Variants in CBFA2T3 observed in about 807,000 individuals in gnomAD.
CBFA2T3 encodes transcriptional corepressor CBFA2T3.
In CBFA2T3, 31 loss-of-function variants were observed where a neutral mutation model predicts 58.6. That is an observed-to-expected ratio of 0.53 (90% CI 0.40 to 0.71). The LOEUF (loss-of-function observed/expected upper bound fraction) is 0.71, where lower values mean the gene tolerates loss of function less well. Among genes scored for constraint, CBFA2T3 ranks in the 30% least tolerant of loss-of-function variants. The pLI, the probability that CBFA2T3 is intolerant of heterozygous loss-of-function variation, is 0.00. For missense variants in CBFA2T3, 1,076 were observed against 963.1 expected, an observed-to-expected ratio of 1.12 and a Z score of -1.55; for synonymous variants, 531 against 421.9, an observed-to-expected ratio of 1.26 and a Z score of -3.17.
At chr16:88,915,409 G>A (rs1458724428) in intron 1 of CBFA2T3, among the ~76,000 whole-genome samples, 10 of 48,880 alleles carry the variant, frequency 2.0e-4, no homozygotes, top group African/African-American at 3.8e-4. Context: ...GGAGCGTGGA[G>A]GGGGGAGCGT....
rs1968887510 is a variant in CBFA2T3, at chr16:88,877,591, G to C, written c.1663-316C>G. Among the ~76,000 whole-genome samples the C allele has an allele frequency of 2.0e-5, 3 of 152,158 alleles. No homozygotes were observed. In the South Asian group the frequency reaches 6.2e-4, roughly 32 times the overall value. ...CAGGCTCCAAAACCGCAAAACCAAA[G>C]GGCGTGGCCCCGGCAGGATTGAGGC... On this transcript the variant is annotated intron_variant, in intron 11 of 11. Transcript: ENST00000268679.
At chr16:88,930,214 T>C (rs1467618721) in intron 1 of CBFA2T3, among the ~76,000 whole-genome samples, 1,725 of 53,368 alleles carry the variant, frequency 0.032, no homozygotes, top group Middle Eastern at 0.081. Context: ...CACGCAAAAG[T>C]CACCAATACC....
rs577590519 is a variant in CBFA2T3, at chr16:88,953,875, C to T, written c.151+22782G>A. Among the ~76,000 whole-genome samples, 45 of 152,238 alleles carry T rather than the reference C, an allele frequency of 3.0e-4. No homozygotes were observed. Among genetic ancestry groups the T allele is most frequent in the African/African-American group, 1.0e-3 (43 of 41,532 alleles). ...TTTGGGGCTGCCATGGGCCTTGTCA[C>T]CTGCATTGGGCTGGTGAGGACAGGG... On this transcript the variant is annotated intron_variant, in intron 1 of 11. Transcript: ENST00000268679. The surrounding 1 kb of genome is among the most constrained non-coding windows in gnomAD (Gnocchi z 4.9).
At chr16:88,946,850 A>C (rs1971917152) in intron 1 of CBFA2T3, among the ~76,000 whole-genome samples, 1 of 152,168 alleles carries the variant, frequency 6.6e-6, no homozygotes, top group Non-Finnish European at 1.5e-5. Context: ...CAGTAGCGTG[A>C]TCACAGCTCA....
At chr16:88,969,841 G>A (rs1039750697) in intron 1 of CBFA2T3, among the ~76,000 whole-genome samples, 4 of 152,060 alleles carry the variant, frequency 2.6e-5, no homozygotes, top group African/African-American at 4.8e-5. Flanking sequence ...GGGGGGTTGC[G>A]ATTTGGCAGA....
intron 2 of CBFA2T3, among the ~76,000 whole-genome samples, chr16:88,900,770 T>C (rs958201981): frequency 4.6e-5 from 7 of 152,206 alleles, no homozygotes; most frequent in Non-Finnish European, 1.0e-4. Context: ...AGAGCACCAA[T>C]GTCTGTCCTC....
intron 5 of CBFA2T3, among the ~76,000 whole-genome samples, chr16:88,889,098 G>A (rs1235891579): frequency 1.3e-5 from 2 of 151,864 alleles, no homozygotes; most frequent in African/African-American, 4.8e-5. Flanking sequence ...GTAATAAGCA[G>A]GCGCACTGTG....
intron 9 of CBFA2T3, 144 bp from the exon 10 acceptor site, chr16:88,880,932 T>A (rs1969043815): frequency 3.8e-6 from 3 of 779,542 alleles, no homozygotes; most frequent in Admixed American, 2.1e-5. Context: ...TCGGACAAGG[T>A]CTGGCTCAGG....
At chr16:88,972,426 T>C (rs1972678515) in intron 1 of CBFA2T3, among the ~76,000 whole-genome samples, 1 of 152,150 alleles carries the variant, frequency 6.6e-6, no homozygotes, top group South Asian at 2.1e-4. Flanking sequence ...AGCTCATCCA[T>C]TCCTCTTCAC....
At chr16:88,914,295 T>G (rs919687707) in intron 1 of CBFA2T3, among the ~76,000 whole-genome samples, 5 of 152,154 alleles carry the variant, frequency 3.3e-5, no homozygotes, top group African/African-American at 1.2e-4. Context: ...CAGAGGGGGA[T>G]CGGAGGCCTT....
In CBFA2T3 at chr16:88,891,949, T is replaced by C; in HGVS notation, c.644A>G (p.Glu215Gly). The C allele has an allele frequency of 6.2e-7, 1 of 1,613,162 alleles. No homozygotes were observed. Among genetic ancestry groups the C allele is most frequent in the Non-Finnish European group, 8.5e-7 (1 of 1,179,750 alleles). The stretch of plus-strand genomic sequence containing the variant: ...GGCCTCCTGAAGCTTGGAATGAAAC[T>C]CCTCGATCGTCAATGTCGAGTTCTG... ...GLVNSTLTIE[E>G]FHSKLQEATN... is the part of the protein sequence containing the mutation. Residue 215 changes from glutamate to glycine, a missense_variant, in exon 5 of 12, where the codon GAG (glutamate) becomes GGG (glycine). Transcript: ENST00000268679.
At position 88,961,281 on chromosome 16, in the gene CBFA2T3, A is replaced by G. The variant is rs1170073755; in HGVS notation, c.151+15376T>C. Among the ~76,000 whole-genome samples, 3 of 152,182 alleles carry G rather than the reference A, an allele frequency of 2.0e-5. No homozygotes were observed. In the East Asian group the frequency reaches 5.8e-4, roughly 29 times the overall value. ...CGGAACCTTCTGTAGGAACTGACAC[A>G]CAGCACTGGAGATTTCCACTGCATA... On this transcript the variant is annotated intron_variant, in intron 1 of 11. Coordinates refer to ENST00000268679, the MANE Select transcript of CBFA2T3 (RefSeq NM_005187.6).
intron 1 of CBFA2T3, among the ~76,000 whole-genome samples, chr16:88,945,831 G>A (rs1177140169): frequency 1.3e-5 from 2 of 152,212 alleles, no homozygotes; most frequent in Non-Finnish European, 2.9e-5. Context: ...ACCCAAATGA[G>A]TTAAAAACTA....
chr16:88,957,505 C>G (rs1567634500), intron 1 of CBFA2T3: 3 of 152,314 alleles, frequency 2.0e-5, no homozygotes, highest in African/African-American at 7.2e-5. Flanking sequence ...TAGCTAGTCC[C>G]TCCACCCCCA....
intron 1 of CBFA2T3, chr16:88,939,257 G>A (rs1971621405): frequency 6.6e-6 from 1 of 152,192 alleles, no homozygotes; most frequent in South Asian, 2.1e-4. Flanking sequence ...GCGATGTCTG[G>A]GGAAAGCCCT....
chr16:88,973,573 A>G (rs544870992), intron 1 of CBFA2T3, among the ~76,000 whole-genome samples: 4 of 152,232 alleles, frequency 2.6e-5, no homozygotes, highest in Admixed American at 1.3e-4. Flanking sequence ...GAACCTTCCA[A>G]TGCAGAATAT....
intron 1 of CBFA2T3, among the ~76,000 whole-genome samples, chr16:88,963,253 A>ATCTTCGGCCAGGGGTGGGCGCTCG (rs1972413252): frequency 1.7e-5 from 2 of 114,838 alleles, no homozygotes; most frequent in Admixed American, 8.4e-5. Context: ...GTGGGCGCTC[A>ATCTTCGGCCAGGGGTGGGCGCTCG]TCTTCTGCCA....
chr16:88,948,013 A>G (rs1971949859), intron 1 of CBFA2T3, among the ~76,000 whole-genome samples: 1 of 152,216 alleles, frequency 6.6e-6, no homozygotes, highest in African/African-American at 2.4e-5. Context: ...TTCATGCATG[A>G]ATAATACTGC....
chr16:88,930,278 C>T (rs1018041443), intron 1 of CBFA2T3, among the ~76,000 whole-genome samples: 2 of 150,252 alleles, frequency 1.3e-5, no homozygotes, highest in Non-Finnish European at 1.5e-5. Flanking sequence ...GCGTGGTCCA[C>T]GCAAAAGCTA....
Sources: gnomAD v4.1 joint callset for allele counts (sites outside exome capture counted in the v4.1 genomes callset) on GRCh38, gnomAD v4.1.1 for gene constraint, Gnocchi (gnomAD v3.1) non-coding constraint, MANE v1.5 for transcripts, NCBI Gene and HGNC (gene_info 2026-07-23, HGNC 2026-07-21) for gene names.